CUX1: variants seen among roughly 807,000 people sequenced by gnomAD.
The protein encoded by CUX1 is protein CASP.
Under a neutral mutation model 158.8 loss-of-function variants are expected in CUX1, and 31 were observed. That is an observed-to-expected ratio of 0.20 (90% CI 0.15 to 0.26). The LOEUF is 0.26. Ranked by LOEUF, CUX1 falls within the 10% of genes least tolerant of loss-of-function variation. The probability of loss-of-function intolerance (pLI) is 1.00; values close to 1 mark genes in which losing one functional copy is unlikely to be tolerated. For missense variants in CUX1, 1,589 were observed against 2,014.6 expected (o/e 0.79, Z 4.04); for synonymous variants, 879 against 862.1 (o/e 1.02, Z -0.34).
intron 4 of CUX1, among the ~76,000 whole-genome samples, chr7:102,082,574 G>A (rs1392500997): frequency 2.0e-5 from 3 of 147,256 alleles, no homozygotes; most frequent in African/African-American, 7.3e-5. Context: ...AGTGTGCAGT[G>A]TGATAGCGTG....
At chr7:101,898,041 G>T (rs922936987) in intron 1 of CUX1, among the ~76,000 whole-genome samples, 2 of 152,110 alleles carry the variant, frequency 1.3e-5, no homozygotes, top group African/African-American at 4.8e-5. Flanking sequence ...AGCCCCGAGG[G>T]GTCAGGGATC....
intron 3 of CUX1, among the ~76,000 whole-genome samples, chr7:102,033,691 C>T (rs1312877604): frequency 6.6e-6 from 1 of 152,122 alleles, no homozygotes; most frequent in East Asian, 1.9e-4. Flanking sequence ...AGACAGTTTC[C>T]AAGAGAGTTT....
intron 2 of CUX1, among the ~76,000 whole-genome samples, chr7:101,985,091 G>T (rs1009120095): frequency 2.0e-5 from 3 of 152,150 alleles, no homozygotes; most frequent in African/African-American, 7.2e-5. Context: ...TTGAAATTAT[G>T]AATAGTTGAT....
intron 3 of CUX1, among the ~76,000 whole-genome samples, chr7:102,058,598 A>G (rs1451514802): frequency 2.0e-5 from 3 of 152,064 alleles, no homozygotes; most frequent in Non-Finnish European, 4.4e-5. Context: ...TTACTTTCTT[A>G]TGGTGGTCTG....
intron 1 of CUX1, among the ~76,000 whole-genome samples, chr7:101,907,000 G>A (rs1358428841): frequency 2.6e-5 from 4 of 152,146 alleles, no homozygotes; most frequent in South Asian, 4.1e-4. Context: ...CTGACATCAC[G>A]TACCAGAACA....
intron 14 of CUX1, among the ~76,000 whole-genome samples, chr7:102,196,212 A>G (rs1794786085): frequency 6.6e-6 from 1 of 152,220 alleles, no homozygotes; most frequent in Admixed American, 6.5e-5. Flanking sequence ...GGTACGGTGC[A>G]TCGCCTCAGA....
Position 102,257,238 on chromosome 7 carries a change from G to T in CUX1, c.*8196G>T, listed in dbSNP as rs559333547. 4 of 985,038 alleles carry T rather than the reference G, an allele frequency of 4.1e-6. No individual in the cohort carries two copies. Among genetic ancestry groups the T allele is most frequent in the Non-Finnish European group, 4.8e-6 (4 of 829,864 alleles). The allele number at this position is 985,038 out of a possible 1,614,324, so 61.0% of individuals were successfully genotyped here. On this transcript the variant is annotated 3_prime_UTR_variant, in exon 24 of 24. Coordinates refer to ENST00000292535, the MANE Select transcript of CUX1 (RefSeq NM_181552.4). ...CTCCCCTTCTCCAAGATTGCCGGGG[G>T]CCCTGATTTTGTTCTCTCTTTGAAA...
Position 102,255,478 on chromosome 7 carries a change from C to T in CUX1, c.*6436C>T, listed in dbSNP as rs1259758344. 5 of 984,656 alleles carry T rather than the reference C, an allele frequency of 5.1e-6. No homozygotes were observed. The highest frequency in any genetic ancestry group is 9.4e-5 in the South Asian group (2 of 21,272). 61.0% of individuals were successfully genotyped at this position (984,656 alleles called of 1,614,324 possible). On this transcript the variant is annotated 3_prime_UTR_variant, in exon 24 of 24. Coordinates refer to ENST00000292535, the MANE Select transcript of CUX1 (RefSeq NM_181552.4). ...CTTCCCCCATGCCCCCGTTCTTAAACTCTTAAGATGCCTTTGAGTTGCTTT... is the reference window on the plus strand; with the variant it reads ...CTTCCCCCATGCCCCCGTTCTTAAATTCTTAAGATGCCTTTGAGTTGCTTT...
At chr7:101,934,104 A>C (rs760879145) in intron 2 of CUX1, among the ~76,000 whole-genome samples, 9 of 152,198 alleles carry the variant, frequency 5.9e-5, no homozygotes, top group Non-Finnish European at 1.2e-4. Flanking sequence ...TCAGAAGAGA[A>C]GTTGTTTCTA....
chr7:102,127,074 A>G (rs1434536979), intron 8 of CUX1, among the ~76,000 whole-genome samples: 1 of 150,986 alleles, frequency 6.6e-6, no homozygotes, highest in African/African-American at 2.4e-5. Context: ...CATGAGAGCA[A>G]TGGGGAGCAG....
intron 11 of CUX1, among the ~76,000 whole-genome samples, chr7:102,184,443 T>C (rs375590878): frequency 3.3e-5 from 5 of 152,282 alleles, no homozygotes; most frequent in African/African-American, 1.2e-4. Context: ...TCATCCTACA[T>C]CTCACCACTG....
intron 20 of CUX1, among the ~76,000 whole-genome samples, chr7:102,224,936 C>T (rs1175483957): frequency 2.0e-5 from 3 of 152,202 alleles, no homozygotes; most frequent in Non-Finnish European, 4.4e-5. Flanking sequence ...CCATCCTTGA[C>T]AGTATCTGGT....
intron 20 of CUX1, among the ~76,000 whole-genome samples, chr7:102,210,859 G>C (rs1796438052): frequency 6.6e-6 from 1 of 152,158 alleles, no homozygotes; most frequent in South Asian, 2.1e-4. Context: ...TGTACAACCA[G>C]GAGATTCCCC....
chr7:101,887,411 G>A (rs565242705), intron 1 of CUX1, among the ~76,000 whole-genome samples: 9 of 152,024 alleles, frequency 5.9e-5, no homozygotes, highest in Non-Finnish European at 1.2e-4. Flanking sequence ...GGCTCAAGCA[G>A]TCCTCCTACC....
chr7:102,252,143 T>G lies in CUX1; in HGVS notation c.*3101T>G. ...TTTATTTTTTTAAAAAAAATAGAGA[T>G]CCTAACCTTAGATCTTTGATGTGAA... On this transcript the variant is annotated 3_prime_UTR_variant, in exon 24 of 24. Coordinates refer to ENST00000292535, the MANE Select transcript of CUX1 (RefSeq NM_181552.4). 1 of 985,104 alleles carries G rather than the reference T, an allele frequency of 1.0e-6. No homozygotes were observed. Among genetic ancestry groups the G allele is most frequent in the South Asian group, 4.7e-5 (1 of 21,274 alleles). 61.0% of individuals were successfully genotyped at this position (985,104 alleles called of 1,614,324 possible).
intron 21 of CUX1, among the ~76,000 whole-genome samples, chr7:102,232,796 C>A (rs1302468353): frequency 6.6e-6 from 1 of 152,212 alleles, no homozygotes; most frequent in Non-Finnish European, 1.5e-5. Flanking sequence ...GGGCTGCCTG[C>A]CCCTGCCTGG....
At position 102,252,108 on chromosome 7, in the gene CUX1, T is replaced by C. The variant is rs1405898599; in HGVS notation, c.*3066T>C. The C allele has an allele frequency of 2.0e-6, 2 of 984,178 alleles. No homozygotes were observed. The highest frequency in any genetic ancestry group is 1.7e-5 in the African/African-American group (1 of 57,206). The allele number at this position is 984,178 out of a possible 1,614,324, so 61.0% of individuals were successfully genotyped here. A position where few individuals can be genotyped will look rare whatever the true frequency, so the allele number is the denominator to read the frequency against. On this transcript the variant is annotated 3_prime_UTR_variant, in exon 24 of 24. Transcript: ENST00000292535. Reference sequence around the variant, plus strand: ...TGCTTGCAGTTCTGTGTATTTTTTTTCCTCTATTATTTATTTTTTTAAAAA... The same window carrying C: ...TGCTTGCAGTTCTGTGTATTTTTTTCCCTCTATTATTTATTTTTTTAAAAA...
intron 5 of CUX1, 76 bp from the exon 6 acceptor site, chr7:102,104,260 A>G (rs1830097950): frequency 7.1e-7 from 1 of 1,417,762 alleles, no homozygotes; most frequent in East Asian, 2.3e-5. Context: ...CTACCAGGTT[A>G]TGAGAGCCTT....
chr7:102,246,719 G>C (rs1375011461), intron 23 of CUX1, among the ~76,000 whole-genome samples: 1 of 152,078 alleles, frequency 6.6e-6, no homozygotes, highest in Non-Finnish European at 1.5e-5. Flanking sequence ...ACAGGTACCT[G>C]CCACCACGCC....
Sources: allele counts gnomAD v4.1 joint callset (sites outside exome capture counted in the v4.1 genomes callset), GRCh38; gene constraint gnomAD v4.1.1; transcripts MANE v1.5; gene names NCBI Gene and HGNC (gene_info 2026-07-23, HGNC 2026-07-21).